MTUS2: variants seen among roughly 807,000 people sequenced by gnomAD.
MTUS2 encodes microtubule associated scaffold protein 2, also known as microtubule-associated tumor suppressor candidate 2.
Under a neutral mutation model 114.1 loss-of-function variants are expected in MTUS2, and 40 were observed. That is an observed-to-expected ratio of 0.35 (90% CI 0.27 to 0.46). The LOEUF (loss-of-function observed/expected upper bound fraction) is 0.46, where lower values mean the gene tolerates loss of function less well. MTUS2 is among the 20% of genes least tolerant of loss of function. MTUS2 has a pLI of 1.00. For missense variants in MTUS2, 1,679 were observed against 1,705.4 expected, an observed-to-expected ratio of 0.98 and a Z score of 0.27; for synonymous variants, 688 against 672.0, an observed-to-expected ratio of 1.02 and a Z score of -0.37.
intron 5 of MTUS2, among the ~76,000 whole-genome samples, chr13:29,179,434 C>T (rs977839550): frequency 1.3e-5 from 2 of 152,066 alleles, no homozygotes; most frequent in Admixed American, 6.6e-5. Context: ...AAAGAGGTTT[C>T]GAGGACAATG....
intron 2 of MTUS2, among the ~76,000 whole-genome samples, chr13:28,894,346 GA>G: frequency 6.4e-5 from 7 of 109,732 alleles, no homozygotes; most frequent in African/African-American, 2.7e-4. Context: ...GAGAGAGAGA[GA>G]GAGTGAGAGT....
intron 2 of MTUS2, among the ~76,000 whole-genome samples, chr13:28,977,286 C>T (rs1368843227): frequency 6.6e-6 from 1 of 152,084 alleles, no homozygotes; most frequent in African/African-American, 2.4e-5. Flanking sequence ...TAAGGTATTT[C>T]AACCCAATTG....
intron 2 of MTUS2, among the ~76,000 whole-genome samples, chr13:28,877,488 G>A (rs531470490): frequency 1.9e-3 from 294 of 152,214 alleles, no homozygotes; most frequent in African/African-American, 6.4e-3. Flanking sequence ...ACTAAGAAAG[G>A]AAATCTGATT....
At chr13:29,390,705 A>T (rs1873373271) in intron 8 of MTUS2, among the ~76,000 whole-genome samples, 1 of 151,860 alleles carries the variant, frequency 6.6e-6, no homozygotes. Context: ...CGTTGGGGTA[A>T]AATCGGTGTT....
intron 5 of MTUS2, among the ~76,000 whole-genome samples, chr13:29,265,272 A>G (rs1210995440): frequency 3.3e-5 from 5 of 152,032 alleles, no homozygotes; most frequent in African/African-American, 9.7e-5. Context: ...CCAGATTCCA[A>G]TACATTCCTC....
intron 2 of MTUS2, among the ~76,000 whole-genome samples, chr13:28,954,064 G>A (rs975785860): frequency 2.6e-5 from 4 of 152,120 alleles, no homozygotes; most frequent in Admixed American, 6.5e-5. Context: ...TGACAATGCG[G>A]TATTTAAATT....
chr13:29,089,911 T>C (rs1287486963), intron 4 of MTUS2, among the ~76,000 whole-genome samples: 1 of 152,208 alleles, frequency 6.6e-6, no homozygotes, highest in Non-Finnish European at 1.5e-5. Flanking sequence ...TTGACATCCA[T>C]ATTTTGATTC....
At chr13:29,297,192 G>T (rs1198635022) in intron 6 of MTUS2, among the ~76,000 whole-genome samples, 2 of 152,016 alleles carry the variant, frequency 1.3e-5, no homozygotes, top group African/African-American at 4.8e-5. Context: ...ATTTAATGAA[G>T]AGACTTGCAT....
At chr13:29,417,341 C>T (rs148563963) in intron 8 of MTUS2, among the ~76,000 whole-genome samples, 1 of 152,348 alleles carries the variant, frequency 6.6e-6, no homozygotes, top group Non-Finnish European at 1.5e-5. Context: ...ACCTTCAACA[C>T]TGGGGACCAC....
intron 2 of MTUS2, among the ~76,000 whole-genome samples, chr13:28,916,910 A>C (rs1197466418): frequency 2.0e-5 from 3 of 151,892 alleles, no homozygotes; most frequent in Admixed American, 6.6e-5. Flanking sequence ...GGTGTATGAC[A>C]TACAGCCTTT....
chr13:29,077,802 C>T (rs143672019), intron 4 of MTUS2, among the ~76,000 whole-genome samples: 35 of 152,204 alleles, frequency 2.3e-4, no homozygotes, highest in African/African-American at 8.2e-4. Context: ...ATGTCAAGAA[C>T]GTTTGACAAT....
intron 2 of MTUS2, among the ~76,000 whole-genome samples, chr13:29,014,483 G>A (rs927775440): frequency 2.6e-5 from 4 of 152,230 alleles, no homozygotes; most frequent in Non-Finnish European, 5.9e-5. Context: ...GGGATCTGTG[G>A]TGAGCAGGAC....
chr13:29,041,727 G>T (rs915704410), intron 4 of MTUS2, among the ~76,000 whole-genome samples: 1 of 152,044 alleles, frequency 6.6e-6, no homozygotes, highest in East Asian at 1.9e-4. Flanking sequence ...TTTTGCAGCT[G>T]TTGTAAAAGG....
intron 8 of MTUS2, among the ~76,000 whole-genome samples, chr13:29,363,234 C>T (rs937617216): frequency 2.0e-5 from 3 of 152,178 alleles, no homozygotes; most frequent in African/African-American, 7.2e-5. Context: ...GGTCCTCACC[C>T]TGCAGCATGG....
Position 29,461,310 on chromosome 13 carries a change from A to G in MTUS2, c.3185-18840A>G, listed in dbSNP as rs150272159. 2.1e-3 allele frequency among the ~76,000 whole-genome samples: 320 copies of G among 152,306 alleles called. 1 individual carries two copies. Among genetic ancestry groups the G allele is most frequent in the African/African-American group, 7.5e-3 (311 of 41,540 alleles). On this transcript the variant is annotated intron_variant, in intron 9 of 15. Coordinates refer to ENST00000612955, the MANE Select transcript of MTUS2 (RefSeq NM_001033602.4). ...TGGAGGGCAGAGCCCTCATGAGTCAATAGCCCCTTAAAGGTCCCACCTCTC... is the reference window on the plus strand; with the variant it reads ...TGGAGGGCAGAGCCCTCATGAGTCAGTAGCCCCTTAAAGGTCCCACCTCTC...
intron 2 of MTUS2, among the ~76,000 whole-genome samples, chr13:28,866,478 C>T (rs1477342239): frequency 6.6e-6 from 1 of 152,076 alleles, no homozygotes; most frequent in Non-Finnish European, 1.5e-5. Context: ...ATTATTGGTG[C>T]TTATGGCATC....
intron 4 of MTUS2, among the ~76,000 whole-genome samples, chr13:29,082,528 G>T (rs1227687954): frequency 1.3e-5 from 2 of 152,158 alleles, no homozygotes; most frequent in Non-Finnish European, 2.9e-5. Context: ...CAGCACTGTG[G>T]CATCAGGCAA....
chr13:29,178,058 G>T (rs1251720120), intron 5 of MTUS2, among the ~76,000 whole-genome samples: 1 of 152,160 alleles, frequency 6.6e-6, no homozygotes, highest in Non-Finnish European at 1.5e-5. Context: ...CAGTGCCCCG[G>T]TGGTTGGCTG....
At chr13:29,050,426 C>A (rs2138599384) in intron 4 of MTUS2, among the ~76,000 whole-genome samples, 1 of 152,158 alleles carries the variant, frequency 6.6e-6, no homozygotes, top group Admixed American at 6.5e-5. Context: ...AAGCAAGTGA[C>A]CCCATCCTCA....
Sources: gnomAD v4.1 joint callset for allele counts (sites outside exome capture counted in the v4.1 genomes callset) on GRCh38, gnomAD v4.1.1 for gene constraint, MANE v1.5 for transcripts, NCBI Gene and HGNC (gene_info 2026-07-23, HGNC 2026-07-21) for gene names.